Variants in RNF180 observed in about 807,000 individuals in gnomAD.
The protein encoded by RNF180 is E3 ubiquitin-protein ligase RNF180.
A neutral mutation model predicts 59.2 loss-of-function variants in RNF180; 38 were observed. The observed-to-expected ratio is 0.64, with a 90% CI of 0.50 to 0.84. RNF180 has a LOEUF of 0.84. Ranked by LOEUF, RNF180 falls within the 40% of genes least tolerant of loss-of-function variation. RNF180 has a pLI of 0.00. For synonymous variants in RNF180, 262 were observed against 240.3 expected (o/e 1.09, Z -0.84); for missense variants, 705 against 700.9 (o/e 1.01, Z -0.07).
At chr5:64,182,790 A>G (rs1750673676) in intron 1 of RNF180, among the ~76,000 whole-genome samples, 1 of 152,340 alleles carries the variant, frequency 6.6e-6, no homozygotes, top group Non-Finnish European at 1.5e-5. Context: ...TTTAAAGTAA[A>G]GAAGGCCACC....
chr5:64,178,312 C>T (rs930589417), intron 1 of RNF180, among the ~76,000 whole-genome samples: 2 of 152,094 alleles, frequency 1.3e-5, no homozygotes, highest in African/African-American at 4.8e-5. Flanking sequence ...TCACGCTTTT[C>T]CAGTCCTTTG....
chr5:64,214,532 AAG>A lies in RNF180; in HGVS notation c.1191+18_1191+19del, dbSNP rs778770905. On this transcript the variant is annotated intron_variant, in intron 4 of 7. Transcript: ENST00000389100. ...TACAGAAGCAGGTAATATTTTTCAA[AAG>A]AGTTTACTAAAAATCTGTATTATAA... The A allele has an allele frequency of 2.4e-5, 38 of 1,600,188 alleles. No individual in the cohort carries two copies. The South Asian group carries it at 3.8e-4, about 16-fold the overall frequency.
intron 5 of RNF180, among the ~76,000 whole-genome samples, chr5:64,261,915 G>A (rs1744365004): frequency 6.6e-6 from 1 of 152,114 alleles, no homozygotes; most frequent in Admixed American, 6.6e-5. Context: ...TACCTCGATT[G>A]GATTCTGTTG....
intron 7 of RNF180, among the ~76,000 whole-genome samples, chr5:64,367,489 G>A (rs925822207): frequency 2.0e-5 from 3 of 151,614 alleles, no homozygotes; most frequent in African/African-American, 7.3e-5. Context: ...TTGAAATGTA[G>A]CTCTACAAAT....
intron 5 of RNF180, among the ~76,000 whole-genome samples, chr5:64,243,773 T>C (rs1742973875): frequency 6.6e-6 from 1 of 152,184 alleles, no homozygotes; most frequent in African/African-American, 2.4e-5. Context: ...AGTGGGTCCC[T>C]GACCCCCGAG....
At chr5:64,349,485 G>T (rs1340722762) in intron 7 of RNF180, among the ~76,000 whole-genome samples, 4 of 150,978 alleles carry the variant, frequency 2.6e-5, no homozygotes, top group Non-Finnish European at 4.4e-5. Context: ...CAACGTGCAG[G>T]TTTGTTACAT....
chr5:64,234,432 C>T (rs770937289), intron 5 of RNF180, among the ~76,000 whole-genome samples: 1 of 151,722 alleles, frequency 6.6e-6, no homozygotes, highest in South Asian at 2.1e-4. Context: ...CGCCAGTGCA[C>T]TCCAGCATGG....
At chr5:64,320,603 TAACTA>T (rs1187643676) in intron 5 of RNF180, among the ~76,000 whole-genome samples, 3 of 152,226 alleles carry the variant, frequency 2.0e-5, no homozygotes, top group Non-Finnish European at 4.4e-5. Context: ...CTGTGTCAGC[TAACTA>T]TACTAATAAA....
chr5:64,290,853 T>TG (rs1202125843), intron 5 of RNF180, among the ~76,000 whole-genome samples: 1 of 152,214 alleles, frequency 6.6e-6, no homozygotes, highest in Non-Finnish European at 1.5e-5. Context: ...GTCTTTTAAT[T>TG]GGGGCATTTA....
chr5:64,368,698 C>T (rs891059740), intron 7 of RNF180, among the ~76,000 whole-genome samples: 80 of 151,946 alleles, frequency 5.3e-4, no homozygotes, highest in African/African-American at 1.9e-3. Context: ...AGCCAAAAGA[C>T]ACATGAAAAA....
intron 1 of RNF180, among the ~76,000 whole-genome samples, chr5:64,193,705 C>T (rs866902350): frequency 4.6e-5 from 7 of 152,168 alleles, no homozygotes; most frequent in Non-Finnish European, 1.0e-4. Context: ...AAAGATCAGC[C>T]TGGGTTCATT....
At chr5:64,232,264 A>G (rs1313087042) in intron 5 of RNF180, among the ~76,000 whole-genome samples, 3 of 152,228 alleles carry the variant, frequency 2.0e-5, no homozygotes, top group Non-Finnish European at 2.9e-5. Flanking sequence ...CCTTAAAGGA[A>G]TGTGTAGTGC....
Position 64,371,486 on chromosome 5 carries a change from A to G in RNF180, c.*1672A>G, listed in dbSNP as rs953393839. The G allele has an allele frequency of 4.6e-5, 7 of 151,732 alleles. No homozygotes were observed. Among genetic ancestry groups the G allele is most frequent in the African/African-American group, 1.4e-4 (6 of 41,532 alleles). 9.4% of individuals were successfully genotyped at this position (151,732 alleles called of 1,614,324 possible). ...ATCACAATAAAGGTTTTAATTATGT[A>G]TAAACTAAATAAGTATTATTATAGA... On this transcript the variant is annotated 3_prime_UTR_variant, in exon 8 of 8. Transcript: ENST00000389100.
chr5:64,346,142 G>A (rs1052834282), intron 7 of RNF180, among the ~76,000 whole-genome samples: 3 of 151,792 alleles, frequency 2.0e-5, no homozygotes, highest in Admixed American at 2.0e-4. Context: ...CAGGAATTGG[G>A]CTTCCCAAAA....
Position 64,213,994 on chromosome 5 carries a change from C to CT in RNF180, c.672dup (p.His225SerfsTer2). On this transcript the variant is annotated frameshift_variant, in exon 4 of 8. Coordinates refer to ENST00000389100, the MANE Select transcript of RNF180 (RefSeq NM_001113561.2). LOFTEE classifies it high-confidence loss of function. ...GTGACTGGCAGATGCGCTACAAGAG[C>CT]TTTTCATAGAAAATCACATAGTTTG... 1 of 1,614,074 alleles carries CT rather than the reference C, an allele frequency of 6.2e-7. No homozygotes were observed. The highest frequency in any genetic ancestry group is 8.5e-7 in the Non-Finnish European group (1 of 1,179,988).
chr5:64,169,297 G>T (rs1399173052), intron 1 of RNF180, among the ~76,000 whole-genome samples: 1 of 152,184 alleles, frequency 6.6e-6, no homozygotes, highest in East Asian at 1.9e-4. Flanking sequence ...GTGAGAGTGT[G>T]ACCAAAACTT....
chr5:64,208,286 C>T (rs1009774165), intron 2 of RNF180, among the ~76,000 whole-genome samples: 4 of 152,026 alleles, frequency 2.6e-5, no homozygotes, highest in Non-Finnish European at 5.9e-5. Flanking sequence ...TTCCTCCTTC[C>T]TCCGTGTGGG....
At chr5:64,204,106 A>T (rs1355607863) in intron 2 of RNF180, among the ~76,000 whole-genome samples, 1 of 152,178 alleles carries the variant, frequency 6.6e-6, no homozygotes, top group Non-Finnish European at 1.5e-5. Context: ...GTTTTTACTC[A>T]GTATCACCAT....
intron 7 of RNF180, among the ~76,000 whole-genome samples, chr5:64,369,169 A>G (rs989451863): frequency 2.6e-5 from 4 of 152,032 alleles, no homozygotes; most frequent in Non-Finnish European, 5.9e-5. Flanking sequence ...GGGGACATGG[A>G]TGAAATAGGA....
Sources: allele counts gnomAD v4.1 joint callset (sites outside exome capture counted in the v4.1 genomes callset), GRCh38; gene constraint gnomAD v4.1.1; transcripts MANE v1.5; gene names NCBI Gene and HGNC (gene_info 2026-07-23, HGNC 2026-07-21).